Variants in PRMT3 observed in about 807,000 individuals in gnomAD.
PRMT3 encodes the protein protein arginine N-methyltransferase 3.
PRMT3 carries 62 observed loss-of-function variants against 71.9 expected under a neutral mutation model. That is an observed-to-expected ratio of 0.86 (90% CI 0.70 to 1.07). The LOEUF is 1.07. PRMT3 is among the 50% of genes least tolerant of loss of function. PRMT3 has a pLI of 0.00. For missense variants in PRMT3, 663 were observed against 643.0 expected, an observed-to-expected ratio of 1.03 and a Z score of -0.34; for synonymous variants, 213 against 220.4, an observed-to-expected ratio of 0.97 and a Z score of 0.30.
intron 6 of PRMT3, among the ~76,000 whole-genome samples, chr11:20,396,516 T>C (rs1848829183): frequency 6.6e-6 from 1 of 152,052 alleles, no homozygotes; most frequent in Non-Finnish European, 1.5e-5. Flanking sequence ...TGCACGCCTG[T>C]AATCCCAGCT....
intron 8 of PRMT3, chr11:20,406,274 G>A (rs1487535984): frequency 6.6e-6 from 1 of 152,154 alleles, no homozygotes; most frequent in Non-Finnish European, 1.5e-5. Context: ...GTATTGTTTA[G>A]AACCGTGACA....
intron 8 of PRMT3, among the ~76,000 whole-genome samples, chr11:20,403,830 G>T (rs926073630): frequency 6.6e-6 from 1 of 151,994 alleles, no homozygotes; most frequent in Non-Finnish European, 1.5e-5. Context: ...TTATAATTCG[G>T]CTTTCATCTC....
At chr11:20,412,502 GCCTA>G (rs1461854071) in intron 9 of PRMT3, among the ~76,000 whole-genome samples, 4 of 151,920 alleles carry the variant, frequency 2.6e-5, no homozygotes, top group Non-Finnish European at 5.9e-5. Flanking sequence ...ATTCCTGTGT[GCCTA>G]TCACCCGCGT....
intron 15 of PRMT3, 54 bp downstream of exon 15, chr11:20,494,308 T>C (rs184900421): frequency 5.8e-6 from 8 of 1,385,138 alleles, no homozygotes; most frequent in South Asian, 1.2e-5. Context: ...GTAAATGATA[T>C]TCATTCATTT....
chr11:20,387,835 CCG>C lies in PRMT3; in HGVS notation c.28+62_28+63del, dbSNP rs1565188666. ...AGCCCCAGGCCGCGCCGCTGTGGGG[CCG>C]GTGGAAGACCCTCCGGGACACGGGC... is the stretch of plus-strand genomic sequence containing the variant. On this transcript the variant is annotated intron_variant, in intron 1 of 15. Coordinates refer to ENST00000331079, the MANE Select transcript of PRMT3 (RefSeq NM_005788.4). The surrounding 1 kb of genome is among the most constrained non-coding windows in gnomAD (Gnocchi z 4.3). 11 of 1,537,616 alleles carry C rather than the reference CCG, an allele frequency of 7.2e-6. No homozygotes were observed. Among genetic ancestry groups the C allele is most frequent in the Non-Finnish European group, 9.6e-6 (11 of 1,143,744 alleles).
chr11:20,485,409 G>A (rs144908851), intron 13 of PRMT3, among the ~76,000 whole-genome samples: 46 of 152,160 alleles, frequency 3.0e-4, no homozygotes, highest in African/African-American at 1.1e-3. Flanking sequence ...AGGTGCTCCA[G>A]GAATTAGTTA....
chr11:20,439,568 C>T (rs748432993), intron 10 of PRMT3, among the ~76,000 whole-genome samples: 1 of 152,186 alleles, frequency 6.6e-6, no homozygotes, highest in Non-Finnish European at 1.5e-5. Flanking sequence ...CTCTCCAAAG[C>T]CACCAATTTT....
intron 11 of PRMT3, among the ~76,000 whole-genome samples, chr11:20,454,302 C>T (rs982248170): frequency 1.2e-4 from 18 of 152,194 alleles, no homozygotes; most frequent in African/African-American, 3.4e-4. Flanking sequence ...TCCAGACCTG[C>T]CTGACTTGAT....
intron 13 of PRMT3, among the ~76,000 whole-genome samples, chr11:20,481,262 T>TAA (rs11451315): frequency 0.28 from 41,458 of 147,160 alleles, 6,064 homozygotes; most frequent in South Asian, 0.38. Flanking sequence ...AGCATTCAGG[T>TAA]AAAAAAAAAA....
At chr11:20,422,156 C>T (rs547023832) in intron 9 of PRMT3, among the ~76,000 whole-genome samples, 1 of 152,170 alleles carries the variant, frequency 6.6e-6, no homozygotes, top group Non-Finnish European at 1.5e-5. Context: ...CCCTTCTACT[C>T]AGTAGTATGT....
intron 10 of PRMT3, among the ~76,000 whole-genome samples, chr11:20,438,145 C>G (rs1173080176): frequency 6.6e-6 from 1 of 152,130 alleles, no homozygotes; most frequent in African/African-American, 2.4e-5. Context: ...CCCACAAGAA[C>G]TAGGATCTGT....
chr11:20,402,640 C>G (rs1590037028), intron 7 of PRMT3, among the ~76,000 whole-genome samples: 2 of 152,096 alleles, frequency 1.3e-5, no homozygotes, highest in Admixed American at 1.3e-4. Context: ...AATTATCACT[C>G]TAAGTCTTAT....
chr11:20,420,454 C>G (rs1204951292), intron 9 of PRMT3, among the ~76,000 whole-genome samples: 2 of 152,168 alleles, frequency 1.3e-5, no homozygotes, highest in Non-Finnish European at 2.9e-5. Flanking sequence ...AATTGGGCCA[C>G]ACAGCAGGAG....
intron 9 of PRMT3, among the ~76,000 whole-genome samples, chr11:20,421,564 C>T (rs545259058): frequency 6.6e-6 from 1 of 152,282 alleles, no homozygotes; most frequent in Middle Eastern, 3.4e-3. Flanking sequence ...ATCACTTATG[C>T]AAAGAATAAG....
intron 10 of PRMT3, among the ~76,000 whole-genome samples, chr11:20,441,345 G>C (rs1176297031): frequency 6.7e-6 from 1 of 149,372 alleles, no homozygotes; most frequent in Admixed American, 6.7e-5. Context: ...TCGCTCTTTC[G>C]CCCAGGCTGG....
intron 13 of PRMT3, among the ~76,000 whole-genome samples, chr11:20,472,408 G>A (rs559196123): frequency 6.6e-6 from 1 of 152,110 alleles, no homozygotes; most frequent in Non-Finnish European, 1.5e-5. Flanking sequence ...TAACATGAAG[G>A]GATGTTGAAT....
intron 10 of PRMT3, among the ~76,000 whole-genome samples, chr11:20,432,913 T>C (rs1020645231): frequency 5.3e-5 from 8 of 152,314 alleles, no homozygotes; most frequent in African/African-American, 1.9e-4. Context: ...GGGTTTTTGC[T>C]GTTGAGCTCT....
intron 11 of PRMT3, 107 bp downstream of exon 11, chr11:20,452,315 G>A: frequency 1.2e-6 from 1 of 800,772 alleles, no homozygotes. Context: ...TCCCGATAGG[G>A]TTGAAAGATG....
Position 20,433,905 on chromosome 11 carries a change from C to T in PRMT3, c.993+7040C>T, listed in dbSNP as rs574171662. On this transcript the variant is annotated intron_variant, in intron 10 of 15. Coordinates refer to ENST00000331079, the MANE Select transcript of PRMT3 (RefSeq NM_005788.4). ...AAAGTGCTGGGATTATAGGCGTGCA[C>T]CACCACACCTGGCCTGGTAGTTCTG... Among the ~76,000 whole-genome samples the T allele has an allele frequency of 1.4e-4, 22 of 152,296 alleles. 1 individual carries two copies. In the Middle Eastern group the frequency reaches 0.027, roughly 188 times the overall value.
Sources: allele counts gnomAD v4.1 joint callset (sites outside exome capture counted in the v4.1 genomes callset), GRCh38; gene constraint gnomAD v4.1.1; non-coding constraint Gnocchi (gnomAD v3.1); transcripts MANE v1.5; gene names NCBI Gene and HGNC (gene_info 2026-07-23, HGNC 2026-07-21).